The following NKD2 variants were observed in gnomAD, a reference collection of about 807,000 sequenced individuals.
NKD2 encodes the protein NKD inhibitor of Wnt signaling pathway 2.
Under a neutral mutation model 34.8 loss-of-function variants are expected in NKD2, and 43 were observed. That is an observed-to-expected ratio of 1.24 (90% CI 0.97 to 1.60). The LOEUF (loss-of-function observed/expected upper bound fraction) is 1.60, where lower values mean the gene tolerates loss of function less well. NKD2 is among the 40% of genes most tolerant of loss of function. The pLI, the probability that NKD2 is intolerant of heterozygous loss-of-function variation, is 0.00. For missense variants in NKD2, 675 were observed against 627.1 expected (o/e 1.08, Z -0.82); for synonymous variants, 278 against 265.1 (o/e 1.05, Z -0.47).
intron 3 of NKD2, among the ~76,000 whole-genome samples, chr5:1,017,278 C>T (rs1276277153): frequency 1.3e-5 from 2 of 152,220 alleles, no homozygotes; most frequent in Non-Finnish European, 2.9e-5. Context: ...ACCATCACCG[C>T]CTGCTCTCTT....
chr5:1,012,343 C>T (rs966024383), intron 3 of NKD2, among the ~76,000 whole-genome samples: 3 of 152,222 alleles, frequency 2.0e-5, no homozygotes, highest in Non-Finnish European at 2.9e-5. Context: ...TGGAGGAGGC[C>T]GTGGCCCTGG....
chr5:1,032,872 C>T (rs1394157950), intron 4 of NKD2, among the ~76,000 whole-genome samples: 3 of 152,194 alleles, frequency 2.0e-5, no homozygotes, highest in South Asian at 2.1e-4. Context: ...TGGAGAATAA[C>T]GGAATAATTG....
intron 3 of NKD2, among the ~76,000 whole-genome samples, chr5:1,014,798 A>G (rs1324023149): frequency 6.6e-6 from 1 of 152,226 alleles, no homozygotes; most frequent in East Asian, 1.9e-4. Context: ...GTCAGCCCCG[A>G]CAGAGGCTGT....
intron 3 of NKD2, among the ~76,000 whole-genome samples, chr5:1,013,640 G>A (rs1311651009): frequency 6.6e-6 from 1 of 152,178 alleles, no homozygotes; most frequent in Non-Finnish European, 1.5e-5. Flanking sequence ...GTGCGCCCAA[G>A]CTCTCCACCA....
In NKD2 at chr5:1,009,467, C is replaced by T. The variant is rs767358048; in HGVS notation, c.62-14C>T. 2.6e-5 allele frequency: 39 copies of T among 1,493,374 alleles called. No individual in the cohort carries two copies. The South Asian group carries it at 4.0e-4, about 15-fold the overall frequency. 92.5% of individuals were successfully genotyped at this position (1,493,374 alleles called of 1,614,324 possible). On this transcript the variant is annotated splice_polypyrimidine_tract_variant and intron_variant, in intron 2 of 9. Coordinates refer to ENST00000296849, the MANE Select transcript of NKD2 (RefSeq NM_033120.4). The surrounding 1 kb of genome is among the most constrained non-coding windows in gnomAD (Gnocchi z 6.9). ...TCGGTGCGGGTTTCCCGCGCGTCCG[C>T]CCCCGGACCGCAGGGGACAGCTTCG...
At position 1,038,289 on chromosome 5, in the gene NKD2, G is replaced by T; in HGVS notation, c.1272G>T (p.Ala424=). ...LPPTPAGEGY[A]VPVIQRHEHH... is the part of the protein sequence containing the mutation. ...CCACGCCAGCAGGAGAGGGCTACGC[G>T]GTGCCAGTGATCCAGCGGCACGAGC... The change falls in exon 10 of 10, where the codon GCG becomes GCT. Residue 424 remains alanine (A), a synonymous_variant. Coordinates refer to ENST00000296849, the MANE Select transcript of NKD2 (RefSeq NM_033120.4). This position sits in a 1 kb window ranked among gnomAD's most constrained non-coding sequence, Gnocchi z 4.5. The T allele has an allele frequency of 6.4e-7, 1 of 1,558,480 alleles. No individual in the cohort carries two copies.
At chr5:1,018,419 G>A (rs79534750) in intron 3 of NKD2, among the ~76,000 whole-genome samples, 102 of 152,358 alleles carry the variant, frequency 6.7e-4, no homozygotes, top group African/African-American at 2.4e-3. Flanking sequence ...TTTGTTGAAA[G>A]CGATTTAGGT....
intron 9 of NKD2, chr5:1,036,744 G>A (rs756657066): frequency 2.7e-4 from 133 of 484,568 alleles, no homozygotes; most frequent in Admixed American, 1.4e-3. Context: ...TGGAATCACC[G>A]GCTCAGTCAG....
chr5:1,031,357 G>A (rs1756638457), intron 3 of NKD2, among the ~76,000 whole-genome samples: 1 of 152,198 alleles, frequency 6.6e-6, no homozygotes, highest in African/African-American at 2.4e-5. Context: ...TGGCCGTCCA[G>A]GTGGACGGGA....
chr5:1,011,907 G>A (rs533271774), intron 3 of NKD2, among the ~76,000 whole-genome samples: 5 of 152,342 alleles, frequency 3.3e-5, no homozygotes, highest in Admixed American at 2.6e-4. Flanking sequence ...CTTCATCACC[G>A]AGTGTCCCTG....
In NKD2 at chr5:1,038,227, G is replaced by A; in HGVS notation, c.1210G>A (p.Ala404Thr). 6.3e-7 allele frequency: 1 copy of A among 1,591,874 alleles called. No individual in the cohort carries two copies. Among genetic ancestry groups the A allele is most frequent in the South Asian group, 1.1e-5 (1 of 88,560 alleles). ...SPLKAPHAQP[A>T]TVEHEVVRDL... Reference sequence around the variant, plus strand: ...ACTCAAGGCCCCACACGCTCAGCCTGCCACAGTGGAGCACGAGGTGGTGCG... The same window carrying A: ...ACTCAAGGCCCCACACGCTCAGCCTACCACAGTGGAGCACGAGGTGGTGCG... The change falls in exon 10 of 10, where the codon GCC becomes ACC. Residue 404 changes from alanine (A) to threonine (T), a missense_variant. Coordinates refer to ENST00000296849, the MANE Select transcript of NKD2 (RefSeq NM_033120.4). The surrounding 1 kb of genome is among the most constrained non-coding windows in gnomAD (Gnocchi z 4.5).
intron 3 of NKD2, among the ~76,000 whole-genome samples, chr5:1,031,818 C>T (rs1451935649): frequency 6.6e-6 from 1 of 152,108 alleles, no homozygotes. Context: ...GGCAGTGTGT[C>T]TCCTCTTGCA....
intron 3 of NKD2, among the ~76,000 whole-genome samples, chr5:1,019,900 G>A (rs1392290135): frequency 6.6e-6 from 1 of 152,180 alleles, no homozygotes; most frequent in African/African-American, 2.4e-5. Flanking sequence ...TAGAAGAGAA[G>A]TGGATTCGGG....
intron 3 of NKD2, among the ~76,000 whole-genome samples, chr5:1,021,395 T>TCCCAA (rs1271748641): frequency 1.2e-5 from 1 of 82,818 alleles, no homozygotes; most frequent in Non-Finnish European, 2.3e-5. Flanking sequence ...CACCCACCCG[T>TCCCAA]CCCAACCCCT....
At chr5:1,012,817 G>T (rs1406789954) in intron 3 of NKD2, among the ~76,000 whole-genome samples, 2 of 152,186 alleles carry the variant, frequency 1.3e-5, no homozygotes. Flanking sequence ...AGGAGCCAGC[G>T]CTCACCTGTC....
intron 3 of NKD2, among the ~76,000 whole-genome samples, chr5:1,030,370 C>A (rs879791897): frequency 6.6e-6 from 1 of 152,114 alleles, no homozygotes; most frequent in Non-Finnish European, 1.5e-5. Flanking sequence ...CCATTTCTGT[C>A]GGCAGCCACC....
chr5:1,036,975 A>G (rs574404969), intron 9 of NKD2: 64 of 326,468 alleles, frequency 2.0e-4, no homozygotes, highest in African/African-American at 1.7e-3. Flanking sequence ...CAGTGTGGAC[A>G]GCGAGCAGTG....
chr5:1,012,302 A>G (rs1225662634), intron 3 of NKD2, among the ~76,000 whole-genome samples: 3 of 152,234 alleles, frequency 2.0e-5, no homozygotes, highest in Non-Finnish European at 4.4e-5. Context: ...GCAGCATTGT[A>G]GCGAACACTC....
chr5:1,037,604 T>C, intron 9 of NKD2: 1 of 1,535,724 alleles, frequency 6.5e-7, no homozygotes, highest in Non-Finnish European at 8.7e-7. Context: ...TGCAGGGAGC[T>C]GTGGAGCCAG....
Sources: allele counts gnomAD v4.1 joint callset (sites outside exome capture counted in the v4.1 genomes callset), GRCh38; gene constraint gnomAD v4.1.1; non-coding constraint Gnocchi (gnomAD v3.1); transcripts MANE v1.5; gene names NCBI Gene and HGNC (gene_info 2026-07-23, HGNC 2026-07-21).